MTMR8: variants seen among roughly 807,000 people sequenced by gnomAD.
The protein encoded by MTMR8 is myotubularin related protein 8.
A neutral mutation model predicts 39.3 loss-of-function variants in MTMR8; 65 were observed. That is an observed-to-expected ratio of 1.65 (90% CI 1.35 to 2.03). MTMR8 has a LOEUF of 2.03. MTMR8 is among the 30% of genes most tolerant of loss of function. MTMR8 has a pLI of 0.00. For missense variants in MTMR8, 777 were observed against 538.9 expected, an observed-to-expected ratio of 1.44 and a Z score of -4.37; for synonymous variants, 245 against 185.2, an observed-to-expected ratio of 1.32 and a Z score of -2.62.
chrX:64,339,596 A>T (rs1279015627), intron 8 of MTMR8, among the ~76,000 whole-genome samples: 1 of 111,809 alleles, frequency 8.9e-6, no homozygotes, highest in Non-Finnish European at 1.9e-5. Flanking sequence ...TTGAAAAAGT[A>T]CTTTTTCTTT....
chrX:64,359,563 A>T (rs1289950178), intron 1 of MTMR8, 36 bp from the exon 2 acceptor site: 2 of 1,169,838 alleles, frequency 1.7e-6, no homozygotes, highest in East Asian at 6.0e-5. Flanking sequence ...ATAAGTTACC[A>T]ACTCACCACC....
chrX:64,325,432 G>T (rs1307871899), intron 12 of MTMR8, among the ~76,000 whole-genome samples: 1 of 111,560 alleles, frequency 9.0e-6, no homozygotes, highest in Non-Finnish European at 1.9e-5. Flanking sequence ...ACATTAAAAA[G>T]ATTATTCACT....
At chrX:64,344,150 T>A (rs1923289888) in intron 7 of MTMR8, among the ~76,000 whole-genome samples, 2 of 109,144 alleles carry the variant, frequency 1.8e-5, no homozygotes, top group African/African-American at 3.5e-5. Context: ...AAAAAAAAAA[T>A]ACCAGTTAAT....
chrX:64,329,175 T>C (rs1602134015), intron 11 of MTMR8, among the ~76,000 whole-genome samples: 1 of 111,975 alleles, frequency 8.9e-6, no homozygotes, highest in Non-Finnish European at 1.9e-5. Flanking sequence ...CTGTGTGGAA[T>C]AGCTGTGTGA....
chrX:64,374,986 A>C (rs766479447), intron 1 of MTMR8, among the ~76,000 whole-genome samples: 1 of 106,534 alleles, frequency 9.4e-6, no homozygotes, highest in South Asian at 4.5e-4. Context: ...CCCTGCCAAC[A>C]TGTGAATTTC....
At chrX:64,364,100 C>A (rs913572290) in intron 1 of MTMR8, among the ~76,000 whole-genome samples, 21 of 112,395 alleles carry the variant, frequency 1.9e-4, no homozygotes, top group African/African-American at 6.8e-4. Flanking sequence ...TCGAACTGGG[C>A]AGAGCCCACT....
chrX:64,352,302 G>A (rs1182882961), intron 4 of MTMR8, among the ~76,000 whole-genome samples: 1 of 111,459 alleles, frequency 9.0e-6, no homozygotes, highest in African/African-American at 3.3e-5. Context: ...CTTGTTCCTG[G>A]TTTTGTTGAC....
At chrX:64,310,435 T>G (rs1366013947) in intron 12 of MTMR8, among the ~76,000 whole-genome samples, 2 of 111,654 alleles carry the variant, frequency 1.8e-5, no homozygotes, top group African/African-American at 6.5e-5. Context: ...AGAGTTGGCA[T>G]CAACTCTTTC....
chrX:64,381,446 G>GTT (rs150707143), intron 1 of MTMR8, among the ~76,000 whole-genome samples: 6 of 91,766 alleles, frequency 6.5e-5, no homozygotes, highest in Non-Finnish European at 8.8e-5. Context: ...CGATGGGGTT[G>GTT]TTTTTTTTTT....
intron 1 of MTMR8, among the ~76,000 whole-genome samples, chrX:64,383,361 A>T (rs1398281042): frequency 9.1e-6 from 1 of 109,583 alleles, no homozygotes; most frequent in Non-Finnish European, 1.9e-5. Flanking sequence ...AGACAGTATT[A>T]TATATATGAT....
intron 12 of MTMR8, among the ~76,000 whole-genome samples, chrX:64,272,735 T>C (rs756774301): frequency 9.0e-6 from 1 of 110,982 alleles, no homozygotes; most frequent in East Asian, 2.8e-4. Context: ...GATAATAAAA[T>C]TGTCAAAAGT....
intron 1 of MTMR8, among the ~76,000 whole-genome samples, chrX:64,380,872 G>C (rs1211686247): frequency 1.8e-5 from 2 of 111,524 alleles, no homozygotes; most frequent in African/African-American, 6.5e-5. Context: ...GTGATAGTTT[G>C]CTGAGAATGA....
chrX:64,333,236 T>C (rs1177673547), intron 10 of MTMR8, among the ~76,000 whole-genome samples: 1 of 111,702 alleles, frequency 9.0e-6, no homozygotes, highest in Non-Finnish European at 1.9e-5. Flanking sequence ...TTTGTGTAGG[T>C]CCTTAACAAC....
At chrX:64,313,077 G>T (rs984993842) in intron 12 of MTMR8, among the ~76,000 whole-genome samples, 1 of 112,262 alleles carries the variant, frequency 8.9e-6, no homozygotes, top group African/African-American at 3.2e-5. Context: ...GTCACCAGCT[G>T]CATTAAACCC....
chrX:64,268,664 G>A lies in MTMR8; in HGVS notation c.1988C>T (p.Ala663Val). The A allele has an allele frequency of 1.7e-6, 2 of 1,211,568 alleles. No homozygotes were observed. Among genetic ancestry groups the A allele is most frequent in the Non-Finnish European group, 2.2e-6 (2 of 895,480 alleles). The stretch of plus-strand genomic sequence containing the variant: ...ACCCAAGTTTCCAGAGATGCCAGTG[G>A]CCTCAGAGATGTCCATGGCCCCACA... ...GICGAMDISE[A>V]TGISGNLGIS... The change falls in exon 14 of 14, where the codon GCC becomes GTC. Residue 663 changes from alanine (A) to valine (V), a missense_variant. Transcript: ENST00000374852.
chrX:64,269,166 TC>T, intron 13 of MTMR8, 123 bp from the exon 14 acceptor site: 2 of 667,151 alleles, frequency 3.0e-6, no homozygotes, highest in South Asian at 2.9e-5. Context: ...GACCTTTTGC[TC>T]ACCCCCTCCC....
chrX:64,346,237 A>T (rs1923347108), intron 6 of MTMR8, among the ~76,000 whole-genome samples: 1 of 111,480 alleles, frequency 9.0e-6, no homozygotes, highest in African/African-American at 3.3e-5. Context: ...TTCAGAAGGC[A>T]GGAGGAGCAT....
At chrX:64,392,334 G>A (rs1248566730) in intron 1 of MTMR8, among the ~76,000 whole-genome samples, 25 of 112,258 alleles carry the variant, frequency 2.2e-4, no homozygotes, top group Non-Finnish European at 5.6e-5. Context: ...ATCACATGTG[G>A]CATGTTAACA....
chrX:64,268,123 C>G lies in MTMR8; in HGVS notation c.*414G>C, dbSNP rs1329871850. ...TTATTCTGCAATTCACAGTTACCTGCTGTATACCATCTCTCCATACCCTCA... is the reference window on the plus strand; with the variant it reads ...TTATTCTGCAATTCACAGTTACCTGGTGTATACCATCTCTCCATACCCTCA... On this transcript the variant is annotated 3_prime_UTR_variant, in exon 14 of 14. Coordinates refer to ENST00000374852, the MANE Select transcript of MTMR8 (RefSeq NM_017677.4). 7.6e-6 allele frequency: 1 copy of G among 132,034 alleles called. No individual in the cohort carries two copies. Among genetic ancestry groups the G allele is most frequent in the Non-Finnish European group, 1.5e-5 (1 of 66,639 alleles). The allele number at this position is 132,034 out of a possible 1,213,427, so 10.9% of individuals were successfully genotyped here.
Sources: gnomAD v4.1 joint callset for allele counts (sites outside exome capture counted in the v4.1 genomes callset) on GRCh38, gnomAD v4.1.1 for gene constraint, MANE v1.5 for transcripts, NCBI Gene and HGNC (gene_info 2026-07-23, HGNC 2026-07-21) for gene names.